The following SEZ6L variants were observed in gnomAD, a reference collection of about 807,000 sequenced individuals.
SEZ6L encodes seizure related 6 homolog like.
SEZ6L carries 37 observed loss-of-function variants against 106.2 expected under a neutral mutation model. The observed-to-expected ratio is 0.35, with a 90% CI of 0.27 to 0.46. SEZ6L has a LOEUF of 0.46. Ranked by LOEUF, SEZ6L falls within the 20% of genes least tolerant of loss-of-function variation. SEZ6L has a pLI of 1.00. For synonymous variants in SEZ6L, 541 were observed against 570.4 expected, an observed-to-expected ratio of 0.95 and a Z score of 0.73; for missense variants, 1,172 against 1,332.8, an observed-to-expected ratio of 0.88 and a Z score of 1.88.
intron 1 of SEZ6L, among the ~76,000 whole-genome samples, chr22:26,171,716 C>G (rs575917498): frequency 6.6e-6 from 1 of 152,250 alleles, no homozygotes; most frequent in African/African-American, 2.4e-5. Context: ...AGGTCACCAC[C>G]AAATTAAAGT....
At chr22:26,330,189 T>C (rs1032622612) in intron 9 of SEZ6L, among the ~76,000 whole-genome samples, 16 of 152,202 alleles carry the variant, frequency 1.1e-4, no homozygotes, top group Non-Finnish European at 2.9e-5. Context: ...CACAGGCAGA[T>C]GAAGGTTGCT....
Position 26,216,047 on chromosome 22 carries a change from C to T in SEZ6L, c.94+46284C>T, listed in dbSNP as rs941642468. On this transcript the variant is annotated intron_variant, in intron 1 of 16. Coordinates refer to ENST00000248933, the MANE Select transcript of SEZ6L (RefSeq NM_021115.5). ...ATTGGATTTGAGTGATTCCCATCTT[C>T]CTCTCTCCCTGCCCCCAAACTAGAG... is the stretch of plus-strand genomic sequence containing the variant. 6.6e-5 allele frequency among the ~76,000 whole-genome samples: 10 copies of T among 152,302 alleles called. No individual in the cohort carries two copies. In the South Asian group the frequency reaches 1.7e-3, roughly 25 times the overall value.
intron 1 of SEZ6L, among the ~76,000 whole-genome samples, chr22:26,207,437 C>T (rs1941331975): frequency 6.6e-6 from 1 of 152,172 alleles, no homozygotes; most frequent in South Asian, 2.1e-4. Context: ...AAGTTGTTAT[C>T]AGGATCAGAT....
chr22:26,286,004 G>A (rs2080923345), intron 1 of SEZ6L, among the ~76,000 whole-genome samples: 1 of 152,108 alleles, frequency 6.6e-6, no homozygotes, highest in Admixed American at 6.5e-5. Flanking sequence ...TCCCCAGTGG[G>A]GCCAAACAAT....
intron 13 of SEZ6L, among the ~76,000 whole-genome samples, chr22:26,366,630 C>T (rs1165916116): frequency 6.6e-6 from 1 of 151,524 alleles, no homozygotes; most frequent in African/African-American, 2.4e-5. Context: ...ATCACTTGAT[C>T]CCAGGAGACA....
At chr22:26,323,911 CAAT>C (rs2082225902) in intron 9 of SEZ6L, among the ~76,000 whole-genome samples, 1 of 152,060 alleles carries the variant, frequency 6.6e-6, no homozygotes, top group Admixed American at 6.5e-5. Flanking sequence ...GTACCCTATG[CAAT>C]ATCTACATCA....
intron 1 of SEZ6L, among the ~76,000 whole-genome samples, chr22:26,282,725 C>T (rs1389783305): frequency 6.6e-6 from 1 of 152,200 alleles, no homozygotes; most frequent in East Asian, 1.9e-4. Context: ...CAGTATCCAG[C>T]TGCCCCAGAT....
chr22:26,345,096 T>TTATA, intron 10 of SEZ6L, among the ~76,000 whole-genome samples: 1 of 151,954 alleles, frequency 6.6e-6, no homozygotes, highest in Non-Finnish European at 1.5e-5. Context: ...AACAGGAAGG[T>TTATA]TATAGGGTGG....
intron 1 of SEZ6L, among the ~76,000 whole-genome samples, chr22:26,257,343 T>C (rs79341029): frequency 0.11 from 16,144 of 151,940 alleles, 1,093 homozygotes; most frequent in Middle Eastern, 0.2. Context: ...GGGGAAAAAA[T>C]CCCCTACAAA....
chr22:26,222,143 C>T (rs891914081), intron 1 of SEZ6L, among the ~76,000 whole-genome samples: 2 of 152,130 alleles, frequency 1.3e-5, no homozygotes, highest in Admixed American at 1.3e-4. Context: ...CTTACTAAAT[C>T]AGAAACTCTC....
At chr22:26,252,014 C>A (rs545113927) in intron 1 of SEZ6L, among the ~76,000 whole-genome samples, 1 of 152,082 alleles carries the variant, frequency 6.6e-6, no homozygotes, top group Non-Finnish European at 1.5e-5. Flanking sequence ...CTGTGAATGG[C>A]GGCAGCAGGA....
intron 1 of SEZ6L, among the ~76,000 whole-genome samples, chr22:26,183,904 A>G (rs755936689): frequency 6.6e-6 from 1 of 152,232 alleles, no homozygotes; most frequent in Non-Finnish European, 1.5e-5. Flanking sequence ...TAATAATAAA[A>G]ATAAATAGTC....
At chr22:26,196,604 G>A (rs1396668523) in intron 1 of SEZ6L, among the ~76,000 whole-genome samples, 1 of 152,184 alleles carries the variant, frequency 6.6e-6, no homozygotes, top group African/African-American at 2.4e-5. Context: ...GCAGAGGATT[G>A]TGTGATGGGT....
chr22:26,188,671 G>C (rs963028314), intron 1 of SEZ6L, among the ~76,000 whole-genome samples: 5 of 152,172 alleles, frequency 3.3e-5, no homozygotes, highest in Non-Finnish European at 5.9e-5. Flanking sequence ...GTTTATGTCT[G>C]TGTCTCTTTG....
At position 26,268,850 on chromosome 22, in the gene SEZ6L, A is replaced by G. The variant is rs181167169; in HGVS notation, c.95-23556A>G. Among the ~76,000 whole-genome samples the G allele has an allele frequency of 1.9e-3, 288 of 152,328 alleles. 2 individuals carry two copies. The highest frequency in any genetic ancestry group is 2.8e-3 in the Non-Finnish European group (193 of 68,030). The stretch of plus-strand genomic sequence containing the variant: ...AGTTGAGAACCAGTGGCCTATGGAA[A>G]ATTTCAGAAAGCAAGATGTGTCTGA... On this transcript the variant is annotated intron_variant, in intron 1 of 16. Coordinates refer to ENST00000248933, the MANE Select transcript of SEZ6L (RefSeq NM_021115.5).
chr22:26,333,157 G>T (rs531789691), intron 9 of SEZ6L, among the ~76,000 whole-genome samples: 1 of 152,370 alleles, frequency 6.6e-6, no homozygotes, highest in South Asian at 2.1e-4. Context: ...TCCACAAATG[G>T]CTGCTCAGGC....
At chr22:26,343,218 T>C (rs977526899) in intron 10 of SEZ6L, among the ~76,000 whole-genome samples, 4 of 151,968 alleles carry the variant, frequency 2.6e-5, no homozygotes, top group Non-Finnish European at 4.4e-5. Context: ...GTCTCTCTCC[T>C]TAGACGTCCT....
At chr22:26,235,558 A>G (rs2145756174) in intron 1 of SEZ6L, among the ~76,000 whole-genome samples, 1 of 152,202 alleles carries the variant, frequency 6.6e-6, no homozygotes, top group Admixed American at 6.5e-5. Context: ...GGGTGAGGGC[A>G]TTTGAGATAT....
Position 26,292,706 on chromosome 22 carries a change from T to C in SEZ6L, c.395T>C (p.Leu132Pro), listed in dbSNP as rs1161090599. ...CAGGTGAACTCTGCCAGGAAGCAGC[T>C]GAGGCCCAAGGCCACCTCCGCAGCC... ...LKQVNSARKQLRPKATSAATV... is the reference protein window; with the variant it reads ...LKQVNSARKQPRPKATSAATV... The change falls in exon 2 of 17, where the codon CTG (leucine) becomes CCG (proline). Residue 132 changes from leucine to proline, a missense_variant. By Grantham distance (98) the Leu-to-Pro change is moderately conservative (BLOSUM62 -3). This residue lies in a region of SEZ6L where 494 missense variants were observed against 445.8 expected (regional missense o/e 1.11). Transcript: ENST00000248933. 2.5e-6 allele frequency: 4 copies of C among 1,613,572 alleles called. No individual in the cohort carries two copies. The highest frequency in any genetic ancestry group is 1.7e-5 in the Admixed American group (1 of 60,004).
Sources: gnomAD v4.1 joint callset for allele counts (sites outside exome capture counted in the v4.1 genomes callset) on GRCh38, gnomAD v4.1.1 for gene constraint, gnomAD v4.1.1 regional missense constraint, MANE v1.5 for transcripts, NCBI Gene and HGNC (gene_info 2026-07-23, HGNC 2026-07-21) for gene names.